Variants in SCOC observed in about 807,000 individuals in gnomAD.
SCOC encodes the protein short coiled-coil protein.
A neutral mutation model predicts 9.9 loss-of-function variants in SCOC; 7 were observed. The observed-to-expected ratio is 0.71, with a 90% CI of 0.40 to 1.33. SCOC has a LOEUF of 1.33. SCOC is among the 40% of genes most tolerant of loss of function. The pLI is 0.01. For synonymous variants in SCOC, 19 were observed against 28.2 expected (o/e 0.67, Z 1.03); for missense variants, 66 against 89.7 (o/e 0.74, Z 1.07).
At chr4:140,360,964 C>G (rs1401003213) in intron 2 of SCOC, 1 of 151,524 alleles carries the variant, frequency 6.6e-6, no homozygotes, top group African/African-American at 2.4e-5. Context: ...TGTAGTATTT[C>G]CCTTAAGATA....
upstream of SCOC, among the ~76,000 whole-genome samples, chr4:140,338,555 G>A (rs1455038166): frequency 8.5e-4 from 129 of 152,192 alleles, 1 homozygote; most frequent in South Asian, 2.7e-3. Flanking sequence ...AAACCCCATC[G>A]TCTCAGCCCA....
intron 1 of SCOC, among the ~76,000 whole-genome samples, chr4:140,259,441 G>A (rs1452559904): frequency 2.0e-5 from 3 of 152,192 alleles, no homozygotes; most frequent in Non-Finnish European, 2.9e-5. Context: ...CCCTACAGTT[G>A]CCATTGGATT....
At chr4:140,277,685 AAAAC>A (rs780490586) in intron 1 of SCOC, among the ~76,000 whole-genome samples, 6 of 152,232 alleles carry the variant, frequency 3.9e-5, no homozygotes, top group East Asian at 3.8e-4. Context: ...AAGCAGCATA[AAAAC>A]AAACAAAGTC....
intron 1 of SCOC, among the ~76,000 whole-genome samples, chr4:140,319,446 C>T (rs1328868823): frequency 6.6e-6 from 1 of 151,998 alleles, no homozygotes; most frequent in Non-Finnish European, 1.5e-5. Context: ...AAATAATTTC[C>T]TTGAGCCCAT....
chr4:140,323,289 C>T (rs552608279), intron 1 of SCOC, among the ~76,000 whole-genome samples: 5 of 152,252 alleles, frequency 3.3e-5, no homozygotes, highest in African/African-American at 1.2e-4. Flanking sequence ...TGTGCTCCAC[C>T]TTCACCTTCC....
chr4:140,275,400 G>A (rs971494072), intron 1 of SCOC, among the ~76,000 whole-genome samples: 2 of 152,182 alleles, frequency 1.3e-5, no homozygotes, highest in Admixed American at 1.3e-4. Flanking sequence ...TGCCATAGAT[G>A]TATGATAGCC....
chr4:140,281,102 GGAGA>G (rs952982453), intron 1 of SCOC, among the ~76,000 whole-genome samples: 14 of 152,070 alleles, frequency 9.2e-5, no homozygotes, highest in Non-Finnish European at 1.6e-4. Context: ...TCTCTCTATA[GGAGA>G]GAGAGTCTGT....
chr4:140,304,837 G>C (rs1402533734), intron 1 of SCOC, among the ~76,000 whole-genome samples: 4 of 152,176 alleles, frequency 2.6e-5, no homozygotes, highest in African/African-American at 9.7e-5. Flanking sequence ...CTTTATTCCT[G>C]ATCCAGAACC....
rs1172840723 is a variant in SCOC, at chr4:140,381,373, T to G, written c.*269T>G. On this transcript the variant is annotated 3_prime_UTR_variant, in exon 4 of 4. Transcript: ENST00000608372. ...CTTAAAGATGAATGTTTTATTGAAT[T>G]TGTAGGTTTAGCACTGTCTTTTATT... is the stretch of plus-strand genomic sequence containing the variant. 3.8e-6 allele frequency: 1 copy of G among 265,472 alleles called. No homozygotes were observed. The highest frequency in any genetic ancestry group is 2.3e-5 in the African/African-American group (1 of 43,710). The allele number at this position is 265,472 out of a possible 1,614,324, so 16.4% of individuals were successfully genotyped here.
At chr4:140,297,881 G>A (rs1483017919) in intron 1 of SCOC, among the ~76,000 whole-genome samples, 1 of 152,144 alleles carries the variant, frequency 6.6e-6, no homozygotes, top group Admixed American at 6.5e-5. Flanking sequence ...CCCGTTTCTT[G>A]GATCACACGT....
At chr4:140,370,827 T>C (rs1038903925), upstream of SCOC, among the ~76,000 whole-genome samples, 1 of 152,192 alleles carries the variant, frequency 6.6e-6, no homozygotes, top group Non-Finnish European at 1.5e-5. Flanking sequence ...CTTCTGTAAG[T>C]GGCCTACTTA....
chr4:140,326,584 G>C (rs775293066), intron 1 of SCOC, among the ~76,000 whole-genome samples: 1 of 152,098 alleles, frequency 6.6e-6, no homozygotes, highest in Non-Finnish European at 1.5e-5. Context: ...GCCTGTGTTT[G>C]TCTCCCTCTG....
intron 2 of SCOC, among the ~76,000 whole-genome samples, chr4:140,351,244 T>C (rs1726966478): frequency 6.6e-6 from 1 of 151,438 alleles, no homozygotes; most frequent in South Asian, 2.1e-4. Context: ...TCAGTTCTCA[T>C]GGTAACGACA....
intron 1 of SCOC, among the ~76,000 whole-genome samples, chr4:140,274,436 C>G (rs1730930433): frequency 6.6e-6 from 1 of 152,024 alleles, no homozygotes; most frequent in African/African-American, 2.4e-5. Context: ...ATGACCTTCT[C>G]CAGTTATGAG....
intron 1 of SCOC, among the ~76,000 whole-genome samples, chr4:140,270,819 C>T (rs1162694841): frequency 6.6e-6 from 1 of 152,172 alleles, no homozygotes; most frequent in African/African-American, 2.4e-5. Context: ...CAAGGTCCCA[C>T]ACATCAAAGA....
chr4:140,374,663 A>G (rs114311622), intron 1 of SCOC, among the ~76,000 whole-genome samples: 2,015 of 152,292 alleles, frequency 0.013, 45 homozygotes, highest in African/African-American at 0.046. Context: ...GTTGCTTAGT[A>G]AAGATTCCAG....
At chr4:140,368,238 T>C (rs1283741695) in intron 2 of SCOC, among the ~76,000 whole-genome samples, 1 of 152,246 alleles carries the variant, frequency 6.6e-6, no homozygotes, top group Non-Finnish European at 1.5e-5. Context: ...GATCAGAGTT[T>C]TCTGAACCAA....
intron 2 of SCOC, among the ~76,000 whole-genome samples, chr4:140,355,186 A>ACTT (rs1727154428): frequency 1.5e-5 from 2 of 137,772 alleles, no homozygotes; most frequent in African/African-American, 5.5e-5. Flanking sequence ...GACTGGCCCA[A>ACTT]CTTCTCAGCC....
intron 2 of SCOC, among the ~76,000 whole-genome samples, chr4:140,363,425 A>T (rs1206636123): frequency 6.6e-6 from 1 of 152,218 alleles, no homozygotes; most frequent in Admixed American, 6.5e-5. Flanking sequence ...ATAGCCTAGA[A>T]ATATATAAAA....
Sources: allele counts gnomAD v4.1 joint callset (sites outside exome capture counted in the v4.1 genomes callset), GRCh38; gene constraint gnomAD v4.1.1; transcripts MANE v1.5; gene names NCBI Gene and HGNC (gene_info 2026-07-23, HGNC 2026-07-21).